VSX2: variants seen among roughly 807,000 people sequenced by gnomAD.
VSX2 encodes ceh-10 homeo domain containing homolog.
Under a neutral mutation model 32.1 loss-of-function variants are expected in VSX2, and 28 were observed. That is an observed-to-expected ratio of 0.87 (90% CI 0.65 to 1.20). The LOEUF (loss-of-function observed/expected upper bound fraction) is 1.20, where lower values mean the gene tolerates loss of function less well. VSX2 is among the 50% of genes most tolerant of loss of function. The pLI is 0.00. For synonymous variants in VSX2, 243 were observed against 214.1 expected, an observed-to-expected ratio of 1.14 and a Z score of -1.18; for missense variants, 506 against 488.7, an observed-to-expected ratio of 1.04 and a Z score of -0.33.
In VSX2 at chr14:74,239,488, C is replaced by T. The variant is rs1283854927; in HGVS notation, c.-74C>T. On this transcript the variant is annotated 5_prime_UTR_variant, in exon 1 of 5. Transcript: ENST00000261980. ...GAGGGGGCACCTGGGACCAACTTCG[C>T]GAAGCGGGAAGCCCGGCGGGGGGGT... 5.2e-6 allele frequency: 8 copies of T among 1,546,100 alleles called. No individual in the cohort carries two copies. Among genetic ancestry groups the T allele is most frequent in the Non-Finnish European group, 7.0e-6 (8 of 1,145,250 alleles).
chr14:74,245,632 C>G (rs1772550654), intron 3 of VSX2, among the ~76,000 whole-genome samples: 1 of 152,000 alleles, frequency 6.6e-6, no homozygotes, highest in African/African-American at 2.4e-5. Flanking sequence ...CCCTTTGGTA[C>G]AGCTAAATGT....
intron 3 of VSX2, among the ~76,000 whole-genome samples, chr14:74,252,387 TTTC>T (rs2079234817): frequency 9.5e-6 from 1 of 105,306 alleles, no homozygotes; most frequent in African/African-American, 3.3e-5. Context: ...TGGGCTTTCT[TTTC>T]TTTCTTTTTT....
In VSX2 at chr14:74,261,978, A is replaced by T. The variant is rs1408137165; in HGVS notation, c.*1059A>T. The T allele has an allele frequency of 6.6e-6, 1 of 151,714 alleles. No individual in the cohort carries two copies. Among genetic ancestry groups the T allele is most frequent in the Non-Finnish European group, 1.5e-5 (1 of 68,104 alleles). The allele number at this position is 151,714 out of a possible 1,614,324, so 9.4% of individuals were successfully genotyped here. A position where few individuals can be genotyped will look rare whatever the true frequency, so the allele number is the denominator to read the frequency against. ...TCAACTGAGAAGCCAAGCCTGGAGT[A>T]GGCCTGGGGCTATGCATACGCATTA... On this transcript the variant is annotated 3_prime_UTR_variant, in exon 5 of 5. Coordinates refer to ENST00000261980, the MANE Select transcript of VSX2 (RefSeq NM_182894.3).
In VSX2 at chr14:74,260,763, G is replaced by A. The variant is rs1328271980; in HGVS notation, c.930G>A (p.Arg310=). 1.3e-6 allele frequency: 2 copies of A among 1,587,064 alleles called. No homozygotes were observed. Among genetic ancestry groups the A allele is most frequent in the East Asian group, 2.3e-5 (1 of 43,718 alleles). ...GGGAGAACAGCATTGCGGTGCTCCG[G>A]GCCAAAGCTCAGGAGCACAGCACCA... The part of the protein sequence containing the change: ...ELRENSIAVL[R]AKAQEHSTKV... Residue 310 remains arginine (R), a synonymous_variant, in exon 5 of 5, where the codon CGG becomes CGA. Coordinates refer to ENST00000261980, the MANE Select transcript of VSX2 (RefSeq NM_182894.3).
chr14:74,260,639 A>G lies in VSX2; in HGVS notation c.806A>G (p.Lys269Arg). 6.2e-7 allele frequency: 1 copy of G among 1,607,344 alleles called. No homozygotes were observed. The highest frequency in any genetic ancestry group is 8.5e-7 in the Non-Finnish European group (1 of 1,177,516). ...GAGGCAGCAGCCGAGTCGGGGAGGA[A>G]GCCCGAGGGGGAACGCCAGGCCCTG... Reference protein sequence around the residue: ...SLEAAAESGRKPEGERQALPK... With the variant: ...SLEAAAESGRRPEGERQALPK... The change falls in exon 5 of 5, where the codon AAG becomes AGG. Residue 269 changes from lysine (K) to arginine (R), a missense_variant. By Grantham distance (26) the Lys-to-Arg change is conservative. Coordinates refer to ENST00000261980, the MANE Select transcript of VSX2 (RefSeq NM_182894.3).
intron 3 of VSX2, among the ~76,000 whole-genome samples, chr14:74,257,294 G>A (rs1307559405): frequency 2.0e-5 from 3 of 152,234 alleles, no homozygotes; most frequent in Non-Finnish European, 4.4e-5. Flanking sequence ...TTTCCTTGGC[G>A]GGGGTCTCCC....
chr14:74,259,912 GC>G (rs1448420811), intron 4 of VSX2, 130 bp downstream of exon 4: 1 of 1,028,950 alleles, frequency 9.7e-7, no homozygotes. Flanking sequence ...ATTCTTCAAA[GC>G]AAACCTCTTG....
At position 74,261,096 on chromosome 14, in the gene VSX2, A is replaced by G. The variant is rs1455556909; in HGVS notation, c.*177A>G. On this transcript the variant is annotated 3_prime_UTR_variant, in exon 5 of 5. Coordinates refer to ENST00000261980, the MANE Select transcript of VSX2 (RefSeq NM_182894.3). ...CACCGCTGGGTTCTGACTCTGGACC[A>G]TGCTGAGACATCCCTCATCTAGTCT... 4.4e-6 allele frequency: 3 copies of G among 678,036 alleles called. No individual in the cohort carries two copies. Among genetic ancestry groups the G allele is most frequent in the Non-Finnish European group, 4.9e-6 (2 of 404,362 alleles). 42.0% of individuals were successfully genotyped at this position (678,036 alleles called of 1,614,324 possible). A position where few individuals can be genotyped will look rare whatever the true frequency, so the allele number is the denominator to read the frequency against.
In VSX2 at chr14:74,260,734, C is replaced by G; in HGVS notation, c.901C>G (p.Leu301Val). 6.3e-7 allele frequency: 1 copy of G among 1,593,134 alleles called. No homozygotes were observed. Among genetic ancestry groups the G allele is most frequent in the South Asian group, 1.1e-5 (1 of 87,680 alleles). Residue 301 changes from leucine to valine, a missense_variant, in exon 5 of 5, where the codon CTG (leucine) becomes GTG (valine). Coordinates refer to ENST00000261980, the MANE Select transcript of VSX2 (RefSeq NM_182894.3). ...DAQAAISQEE[L>V]RENSIAVLRA... ...TCAGGCGGCCATCTCCCAGGAGGAA[C>G]TGAGGGAGAACAGCATTGCGGTGCT...
At chr14:74,250,975 G>A (rs558783105) in intron 3 of VSX2, among the ~76,000 whole-genome samples, 1 of 151,370 alleles carries the variant, frequency 6.6e-6, no homozygotes, top group Non-Finnish European at 1.5e-5. Flanking sequence ...ATGCCCATGC[G>A]CTCCCCCGGC....
At position 74,261,289 on chromosome 14, in the gene VSX2, A is replaced by T; in HGVS notation, c.*370A>T. 1 of 260,750 alleles carries T rather than the reference A, an allele frequency of 3.8e-6. No individual in the cohort carries two copies. The highest frequency in any genetic ancestry group is 7.4e-6 in the Non-Finnish European group (1 of 134,236). The allele number at this position is 260,750 out of a possible 1,614,324, so 16.2% of individuals were successfully genotyped here. ...CCCAGCTCTACATTCTGCTCTGCCC[A>T]TGCCTAAAGCCCATTGCTGCAAATG... On this transcript the variant is annotated 3_prime_UTR_variant, in exon 5 of 5. Transcript: ENST00000261980.
rs1365619857 is a variant in VSX2 at position 74,239,579 on chromosome 14, G to A, written c.18G>A (p.Gly6=). The A allele has an allele frequency of 2.6e-6, 4 of 1,551,268 alleles. No individual in the cohort carries two copies. The highest frequency in any genetic ancestry group is 3.5e-6 in the Non-Finnish European group (4 of 1,147,006). MTGKA[G]EALSKPKSET... ...ACAGGGAGATGACGGGGAAAGCAGG[G>A]GAAGCGCTGAGCAAGCCCAAATCCG... is the stretch of plus-strand genomic sequence containing the variant. The change falls in exon 1 of 5, where the codon GGG becomes GGA. Residue 6 remains glycine (G), a synonymous_variant. Coordinates refer to ENST00000261980, the MANE Select transcript of VSX2 (RefSeq NM_182894.3).
At chr14:74,255,520 G>A (rs2079257625) in intron 3 of VSX2, among the ~76,000 whole-genome samples, 1 of 152,188 alleles carries the variant, frequency 6.6e-6, no homozygotes, top group African/African-American at 2.4e-5. Context: ...GAGTCTGTGG[G>A]CAAAGTCTGA....
chr14:74,257,718 C>CT (rs1346680242), intron 3 of VSX2, among the ~76,000 whole-genome samples: 25 of 150,710 alleles, frequency 1.7e-4, no homozygotes, highest in Admixed American at 1.1e-3. Context: ...CACCCCCCAC[C>CT]CACTTCCCCC....
At position 74,239,913 on chromosome 14, in the gene VSX2, A is replaced by T; in HGVS notation, c.352A>T (p.Ser118Cys). 1 of 1,569,452 alleles carries T rather than the reference A, an allele frequency of 6.4e-7. No homozygotes were observed. Among genetic ancestry groups the T allele is most frequent in the Admixed American group, 1.9e-5 (1 of 53,616 alleles). Residue 118 changes from serine (S) to cysteine (C), a missense_variant, in exon 1 of 5, where the codon AGC (serine) becomes TGC (cysteine). Transcript: ENST00000261980. ...CAGAGCATCGGGGCCGCTGGACACCAGCCAGACGGCCAGCTCGGGTAGGTG... is the reference window on the plus strand; with the variant it reads ...CAGAGCATCGGGGCCGCTGGACACCTGCCAGACGGCCAGCTCGGGTAGGTG... ...LGRASGPLDT[S>C]QTASSDSEDV...
chr14:74,257,952 A>G (rs1376740297), intron 3 of VSX2, among the ~76,000 whole-genome samples: 1 of 152,100 alleles, frequency 6.6e-6, no homozygotes, highest in African/African-American at 2.4e-5. Context: ...GACCTAATCA[A>G]GCAATCAAGT....
At chr14:74,254,494 A>G (rs1435822579) in intron 3 of VSX2, among the ~76,000 whole-genome samples, 1 of 152,236 alleles carries the variant, frequency 6.6e-6, no homozygotes, top group Non-Finnish European at 1.5e-5. Flanking sequence ...CCAAATGCCT[A>G]AGGGGGAAGT....
intron 3 of VSX2, among the ~76,000 whole-genome samples, chr14:74,246,009 G>C (rs1406013286): frequency 6.6e-6 from 1 of 152,236 alleles, no homozygotes; most frequent in Non-Finnish European, 1.5e-5. Context: ...AGCGGCAGCA[G>C]GACCTTGGCA....
Position 74,260,699 on chromosome 14 carries a change from G to A in VSX2, c.866G>A (p.Gly289Asp), listed in dbSNP as rs199473712. ...GACAAGATGGAGCAGGACGAGCGGG[G>A]CCCCGACGCTCAGGCGGCCATCTCC... Reference protein sequence around the residue: ...KLDKMEQDERGPDAQAAISQE... With the variant: ...KLDKMEQDERDPDAQAAISQE... Residue 289 changes from glycine (G) to aspartate (D), a missense_variant, in exon 5 of 5, where the codon GGC becomes GAC. Gly to Asp is a moderately conservative substitution (Grantham distance 94). Transcript: ENST00000261980. The A allele has an allele frequency of 9.2e-5, 146 of 1,594,918 alleles. No homozygotes were observed. The South Asian group carries it at 1.6e-3, about 17-fold the overall frequency.
Sources: gnomAD v4.1 joint callset for allele counts (sites outside exome capture counted in the v4.1 genomes callset) on GRCh38, gnomAD v4.1.1 for gene constraint, MANE v1.5 for transcripts, NCBI Gene and HGNC (gene_info 2026-07-23, HGNC 2026-07-21) for gene names.